Variants in MOB3C observed in about 807,000 individuals in gnomAD.
The protein encoded by MOB3C is MOB1, Mps One Binder kinase activator-like 2C.
MOB3C carries 17 observed loss-of-function variants against 19.8 expected under a neutral mutation model. That is an observed-to-expected ratio of 0.86 (90% CI 0.59 to 1.29). The LOEUF (loss-of-function observed/expected upper bound fraction) is 1.29. Among genes scored for constraint, MOB3C ranks in the 50% most tolerant of loss-of-function variants. The pLI is 0.00. For missense variants in MOB3C, 291 were observed against 301.9 expected (o/e 0.96, Z 0.27); for synonymous variants, 101 against 119.2 (o/e 0.85, Z 0.99).
chr1:46,615,124 C>T (rs1203962885), intron 1 of MOB3C: 4 of 1,467,762 alleles, frequency 2.7e-6, no homozygotes. Flanking sequence ...CTTCCAAAAT[C>T]CCTCACACTG....
Position 46,613,059 on chromosome 1 carries a change from G to T in MOB3C, c.263C>A (p.Pro88Gln), listed in dbSNP as rs757674170. ...MAERCSETSC[P>Q]VMAGGPRYEY... The stretch of plus-strand genomic sequence containing the variant: ...GTAGCGGGGCCCGCCGGCCATGACC[G>T]GGCAGCTGGTCTCACTGCAGCGCTC... Residue 88 changes from proline (P) to glutamine (Q), a missense_variant, in exon 2 of 4, where the codon CCG becomes CAG. By Grantham distance (76) the Pro-to-Gln change is moderately conservative (BLOSUM62 -1). Transcript: ENST00000319928. 1.5e-5 allele frequency: 24 copies of T among 1,614,146 alleles called. No individual in the cohort carries two copies. Among genetic ancestry groups the T allele is most frequent in the Non-Finnish European group, 1.7e-5 (20 of 1,180,000 alleles).
intron 3 of MOB3C, 105 bp from the exon 4 acceptor site, chr1:46,609,789 C>T: frequency 1.4e-6 from 2 of 1,448,896 alleles, no homozygotes; most frequent in Non-Finnish European, 1.9e-6. Context: ...GCCTGGCCTT[C>T]CCCCAGCAAC....
intron 1 of MOB3C, chr1:46,614,041 G>A (rs1675522671): frequency 6.6e-6 from 1 of 152,398 alleles, no homozygotes; most frequent in South Asian, 2.1e-4. Context: ...ACAACAGCTG[G>A]AGATCCTTCC....
At chr1:46,610,338 A>G in intron 2 of MOB3C, 134 bp from the exon 3 acceptor site, 1 of 703,622 alleles carries the variant, frequency 1.4e-6, no homozygotes, top group Non-Finnish European at 2.4e-6. Context: ...CCTTTGGAAA[A>G]CAGAGAGTGG....
At position 46,609,080 on chromosome 1, in the gene MOB3C, G is replaced by T; in HGVS notation, c.*575C>A. ...CAGATACACTGAGTGGGGACGCTGA[G>T]CTGTCATCACTCCTACAGTGGTCAT... On this transcript the variant is annotated 3_prime_UTR_variant, in exon 4 of 4. Coordinates refer to ENST00000319928, the MANE Select transcript of MOB3C (RefSeq NM_201403.3). The T allele has an allele frequency of 6.1e-6, 1 of 164,474 alleles. No individual in the cohort carries two copies. The highest frequency in any genetic ancestry group is 1.5e-4 in the South Asian group (1 of 6,526). 10.2% of individuals were successfully genotyped at this position (164,474 alleles called of 1,614,324 possible). A position where few individuals can be genotyped will look rare whatever the true frequency, so the allele number is the denominator to read the frequency against.
In MOB3C at chr1:46,610,175, C is replaced by A; in HGVS notation, c.448G>T (p.Val150Phe). ...GVPFPKNFQQ[V>F]CTKILTRLFR... ...AGGCGGGTCAGGATCTTGGTGCAGA[C>A]CTGCTGGAAGTTCTTAGGGAAGGGA... Residue 150 changes from valine to phenylalanine, a missense_variant, in exon 3 of 4, where the codon GTC becomes TTC. Transcript: ENST00000319928. 2 of 1,613,958 alleles carry A rather than the reference C, an allele frequency of 1.2e-6. No homozygotes were observed. The highest frequency in any genetic ancestry group is 1.7e-6 in the Non-Finnish European group (2 of 1,179,998).
In MOB3C at chr1:46,609,619, C is replaced by A. The variant is rs781387532; in HGVS notation, c.*36G>T. On this transcript the variant is annotated 3_prime_UTR_variant, in exon 4 of 4. Transcript: ENST00000319928. ...TCTGCCAGCCACCCTATGTTCAGATCGTCCATCTGATGGCCAAAAAAGTCC... is the reference window on the plus strand; with the variant it reads ...TCTGCCAGCCACCCTATGTTCAGATAGTCCATCTGATGGCCAAAAAAGTCC... The A allele has an allele frequency of 6.2e-7, 1 of 1,613,548 alleles. No individual in the cohort carries two copies. Among genetic ancestry groups the A allele is most frequent in the African/African-American group, 1.3e-5 (1 of 74,888 alleles).
At chr1:46,616,592 C>T (rs1364685868) in intron 1 of MOB3C, 119 bp downstream of exon 1, 1 of 152,120 alleles carries the variant, frequency 6.6e-6, no homozygotes, top group African/African-American at 2.4e-5. Flanking sequence ...AGCGGCCAGC[C>T]TGCCTTCGGG....
intron 2 of MOB3C, 27 bp downstream of exon 2, chr1:46,612,877 G>C: frequency 6.6e-7 from 1 of 1,523,650 alleles, no homozygotes; most frequent in Non-Finnish European, 8.8e-7. Flanking sequence ...GCTCCCAGTG[G>C]CTCCCTCCCC....
Position 46,609,544 on chromosome 1 carries a change from G to T in MOB3C, c.*111C>A. 7.4e-7 allele frequency: 1 copy of T among 1,357,048 alleles called. No homozygotes were observed. Among genetic ancestry groups the T allele is most frequent in the Non-Finnish European group, 1.0e-6 (1 of 954,774 alleles). The allele number at this position is 1,357,048 out of a possible 1,614,324, so 84.1% of individuals were successfully genotyped here. On this transcript the variant is annotated 3_prime_UTR_variant, in exon 4 of 4. Coordinates refer to ENST00000319928, the MANE Select transcript of MOB3C (RefSeq NM_201403.3). ...CCAGAAGTCCAGAGGCTTTGGGTGT[G>T]TGGAGTGATTCCAGTGCCTTCAGAT...
chr1:46,613,245 T>A lies in MOB3C; in HGVS notation c.77A>T (p.Gln26Leu). ...RPRKRFEPGTQRFELYKKAQA... is the reference protein window; with the variant it reads ...RPRKRFEPGTLRFELYKKAQA... ...TGCCTTCTTGTACAGCTCAAAGCGCTGTGTGCCCGGCTCAAAGCGCTTCCG... is the reference window on the plus strand; with the variant it reads ...TGCCTTCTTGTACAGCTCAAAGCGCAGTGTGCCCGGCTCAAAGCGCTTCCG... Residue 26 changes from glutamine (Q) to leucine (L), a missense_variant, in exon 2 of 4, where the codon CAG (glutamine) becomes CTG (leucine). By Grantham distance (113) the Gln-to-Leu change is moderately radical. Transcript: ENST00000319928. The A allele has an allele frequency of 6.2e-7, 1 of 1,614,042 alleles. No individual in the cohort carries two copies. Among genetic ancestry groups the A allele is most frequent in the Non-Finnish European group, 8.5e-7 (1 of 1,180,030 alleles).
chr1:46,614,301 C>T (rs1675527051), intron 1 of MOB3C: 1 of 152,330 alleles, frequency 6.6e-6, no homozygotes, highest in Non-Finnish European at 1.5e-5. Flanking sequence ...GGCTCAGAGG[C>T]AGGAGTCCTG....
chr1:46,609,816 C>A, intron 3 of MOB3C, 132 bp from the exon 4 acceptor site: 1 of 1,354,032 alleles, frequency 7.4e-7, no homozygotes, highest in Non-Finnish European at 1.0e-6. Context: ...TCTTAGGCTG[C>A]AGATCTGGGT....
rs532045703 is a variant in MOB3C, at chr1:46,611,646, T to TCCAGC, written c.418+1253_418+1257dup. Among the ~76,000 whole-genome samples, 1,084 of 151,896 alleles carry TCCAGC rather than the reference T, an allele frequency of 7.1e-3. 9 individuals are homozygous for TCCAGC. The highest frequency in any genetic ancestry group is 0.025 in the African/African-American group (1,018 of 41,410). ...CGAGCCTTCCCTCCCTCTGAGCCCC[T>TCCAGC]CCAGCCCAGCCCAGATTCCTCAGAC... On this transcript the variant is annotated intron_variant, in intron 2 of 3. Coordinates refer to ENST00000319928, the MANE Select transcript of MOB3C (RefSeq NM_201403.3). This position sits in a 1 kb window ranked among gnomAD's most constrained non-coding sequence, Gnocchi z 4.1.
At chr1:46,613,494 G>T in intron 1 of MOB3C, 123 bp from the exon 2 acceptor site, 1 of 951,268 alleles carries the variant, frequency 1.1e-6, no homozygotes, top group Non-Finnish European at 1.5e-6. Flanking sequence ...TCCTCTGCCT[G>T]GAATCTAAGT....
chr1:46,610,484 AGGTAT>A (rs1191350327), intron 2 of MOB3C, among the ~76,000 whole-genome samples: 8 of 152,148 alleles, frequency 5.3e-5, no homozygotes, highest in African/African-American at 1.9e-4. Flanking sequence ...CCCAGGTTCA[AGGTAT>A]TCTCCTGCCT....
At chr1:46,613,406 C>A in intron 1 of MOB3C, 35 bp from the exon 2 acceptor site, 2 of 1,545,480 alleles carry the variant, frequency 1.3e-6, no homozygotes, top group Admixed American at 1.9e-5. Context: ...AGCTGGCGGT[C>A]AAGGCCTTAT....
intron 1 of MOB3C, chr1:46,616,299 T>C (rs28642145): frequency 6.6e-6 from 1 of 152,130 alleles, no homozygotes; most frequent in Non-Finnish European, 1.5e-5. Context: ...CCAGAATCCA[T>C]CCTGGGACTC....
At chr1:46,609,856 A>C in intron 3 of MOB3C, 146 bp downstream of exon 3, 1 of 1,215,850 alleles carries the variant, frequency 8.2e-7, no homozygotes, top group Non-Finnish European at 1.2e-6. Flanking sequence ...TGAATTCTCT[A>C]TTGAAGTACA....
Sources: gnomAD v4.1 joint callset for allele counts (sites outside exome capture counted in the v4.1 genomes callset) on GRCh38, gnomAD v4.1.1 for gene constraint, Gnocchi (gnomAD v3.1) non-coding constraint, MANE v1.5 for transcripts, NCBI Gene and HGNC (gene_info 2026-07-23, HGNC 2026-07-21) for gene names.